DCC: variants seen among roughly 807,000 people sequenced by gnomAD.
DCC encodes the protein DCC netrin 1 receptor.
In DCC, 58 loss-of-function variants were observed where a neutral mutation model predicts 172.5. That is an observed-to-expected ratio of 0.34 (90% CI 0.27 to 0.42). The LOEUF (loss-of-function observed/expected upper bound fraction) is 0.42, where lower values mean the gene tolerates loss of function less well. Among genes scored for constraint, DCC ranks in the 10% least tolerant of loss-of-function variants. The pLI is 1.00. For missense variants in DCC, 1,740 were observed against 1,791.0 expected (o/e 0.97, Z 0.51); for synonymous variants, 709 against 644.5 (o/e 1.10, Z -1.52).
Position 52,625,903 on chromosome 18 carries a change from C to T in DCC, c.92-126151C>T, listed in dbSNP as rs951659966. 2.0e-5 allele frequency among the ~76,000 whole-genome samples: 3 copies of T among 152,088 alleles called. 1 individual carries two copies. The highest frequency in any genetic ancestry group is 6.6e-5 in the Admixed American group (1 of 15,254). On this transcript the variant is annotated intron_variant, in intron 1 of 28. Coordinates refer to ENST00000442544, the MANE Select transcript of DCC (RefSeq NM_005215.4). ...TGGGAAATCTTTCTTTGGTGCTTCCCTCCTGTCTCTCAACTCATCAGCGGC... is the reference window on the plus strand; with the variant it reads ...TGGGAAATCTTTCTTTGGTGCTTCCTTCCTGTCTCTCAACTCATCAGCGGC...
chr18:53,069,284 G>T (rs988759748), intron 7 of DCC, among the ~76,000 whole-genome samples: 19 of 152,174 alleles, frequency 1.2e-4, no homozygotes, highest in Non-Finnish European at 1.6e-4. Flanking sequence ...CTCCACACTG[G>T]CTGGAAACCA....
rs558164243 is a variant in DCC at position 53,131,631 on chromosome 18, A to T, written c.1262-25725A>T. On this transcript the variant is annotated intron_variant, in intron 7 of 28. Coordinates refer to ENST00000442544, the MANE Select transcript of DCC (RefSeq NM_005215.4). Reference sequence around the variant, plus strand: ...ACATATATAATCAAGAACCTATGACATGCCCATCACTGTGTAGGCTATAAA... The same window carrying T: ...ACATATATAATCAAGAACCTATGACTTGCCCATCACTGTGTAGGCTATAAA... Among the ~76,000 whole-genome samples, 26 of 152,228 alleles carry T rather than the reference A, an allele frequency of 1.7e-4. No homozygotes were observed. In the East Asian group the frequency reaches 5.0e-3, roughly 29 times the overall value.
At chr18:52,936,994 C>T (rs898256179) in intron 5 of DCC, among the ~76,000 whole-genome samples, 4 of 152,014 alleles carry the variant, frequency 2.6e-5, no homozygotes, top group African/African-American at 9.7e-5. Context: ...GGTATGGACT[C>T]ATTTTTATTT....
At position 53,024,636 on chromosome 18, in the gene DCC, A is replaced by G. The variant is rs561348963; in HGVS notation, c.986-38669A>G. 2.0e-5 allele frequency among the ~76,000 whole-genome samples: 3 copies of G among 152,292 alleles called. No individual in the cohort carries two copies. In the East Asian group the frequency reaches 5.8e-4, roughly 29 times the overall value. On this transcript the variant is annotated intron_variant, in intron 5 of 28. Transcript: ENST00000442544. ...GTTCCTAGTAAGGAAGCCAAGGACTATTCTCTGATGACTGCTTTCTTGTGG... is the reference window on the plus strand; with the variant it reads ...GTTCCTAGTAAGGAAGCCAAGGACTGTTCTCTGATGACTGCTTTCTTGTGG...
intron 9 of DCC, among the ~76,000 whole-genome samples, chr18:53,194,300 G>A (rs536652932): frequency 6.6e-6 from 1 of 152,200 alleles, no homozygotes; most frequent in South Asian, 2.1e-4. Context: ...GGTTTGTAGA[G>A]TATGGAGATA....
intron 2 of DCC, among the ~76,000 whole-genome samples, chr18:52,858,114 G>A (rs895329777): frequency 6.6e-6 from 1 of 152,166 alleles, no homozygotes; most frequent in East Asian, 1.9e-4. Context: ...ATCATGCATT[G>A]TCTGTTCATG....
intron 1 of DCC, among the ~76,000 whole-genome samples, chr18:52,384,850 C>T (rs1985728477): frequency 6.6e-6 from 1 of 151,960 alleles, no homozygotes; most frequent in Non-Finnish European, 1.5e-5. Flanking sequence ...TTTCACAATC[C>T]CCAAGGAAAA....
At chr18:53,128,950 G>A (rs1039634691) in intron 7 of DCC, among the ~76,000 whole-genome samples, 12 of 147,868 alleles carry the variant, frequency 8.1e-5, no homozygotes, top group Admixed American at 2.7e-4. Flanking sequence ...GCAGTGGTGC[G>A]ATCTCAGCAC....
At chr18:53,167,795 C>T (rs1418791311) in intron 8 of DCC, among the ~76,000 whole-genome samples, 1 of 152,062 alleles carries the variant, frequency 6.6e-6, no homozygotes, top group Non-Finnish European at 1.5e-5. Context: ...AAACAGAAAG[C>T]AATGAAAACA....
intron 1 of DCC, among the ~76,000 whole-genome samples, chr18:52,408,178 A>T (rs1986718816): frequency 6.6e-6 from 1 of 152,114 alleles, no homozygotes; most frequent in African/African-American, 2.4e-5. Context: ...GCCATATATG[A>T]TATTCTAAAA....
At chr18:53,511,668 G>T (rs561063794) in intron 27 of DCC, among the ~76,000 whole-genome samples, 1 of 152,352 alleles carries the variant, frequency 6.6e-6, no homozygotes, top group East Asian at 1.9e-4. Context: ...GGGTCAGGGA[G>T]TTCCCTTTCC....
chr18:52,823,607 C>T (rs2038450709), intron 2 of DCC, among the ~76,000 whole-genome samples: 1 of 152,048 alleles, frequency 6.6e-6, no homozygotes, highest in Admixed American at 6.6e-5. Context: ...TCACTCATTT[C>T]ACCAGGATTT....
At chr18:53,110,121 T>C (rs1005721285) in intron 7 of DCC, among the ~76,000 whole-genome samples, 1 of 151,698 alleles carries the variant, frequency 6.6e-6, no homozygotes, top group Non-Finnish European at 1.5e-5. Context: ...GCAGAAGAGA[T>C]GTCCACTTGC....
intron 5 of DCC, among the ~76,000 whole-genome samples, chr18:52,991,352 A>G (rs1281455063): frequency 2.6e-5 from 4 of 152,190 alleles, no homozygotes; most frequent in Non-Finnish European, 5.9e-5. Flanking sequence ...TACAGCATAA[A>G]ATCCAAGTTA....
At position 52,866,371 on chromosome 18, in the gene DCC, AG is replaced by A. The variant is rs552339623; in HGVS notation, c.413-39669del. 1.3e-3 allele frequency among the ~76,000 whole-genome samples: 205 copies of A among 152,226 alleles called. 1 individual carries two copies. Among genetic ancestry groups the A allele is most frequent in the African/African-American group, 4.7e-3 (195 of 41,552 alleles). On this transcript the variant is annotated intron_variant, in intron 2 of 28. Transcript: ENST00000442544. ...TTTTGCTTAGGATTGTCTTGGCTAA[AG>A]GGGTTCTTTTTTGGTTCCATATGAA...
chr18:53,157,533 A>C (rs1402008951), intron 8 of DCC, 21 bp downstream of exon 8: 1 of 1,612,978 alleles, frequency 6.2e-7, no homozygotes, highest in South Asian at 1.1e-5. Context: ...CTACCAATAA[A>C]ATTCAGCTTA....
chr18:52,658,270 A>G (rs1273835366), intron 1 of DCC, among the ~76,000 whole-genome samples: 1 of 152,238 alleles, frequency 6.6e-6, no homozygotes, highest in African/African-American at 2.4e-5. Context: ...GGTAGAAAAC[A>G]TGACAAATTT....
intron 2 of DCC, among the ~76,000 whole-genome samples, chr18:52,853,311 T>C: frequency 6.6e-6 from 1 of 152,268 alleles, no homozygotes; most frequent in South Asian, 2.1e-4. Context: ...AATAACCAAA[T>C]AGAAGAAGTC....
At position 53,420,191 on chromosome 18, in the gene DCC, C is replaced by T. The variant is rs545641486; in HGVS notation, c.3163+4035C>T. 8.5e-5 allele frequency among the ~76,000 whole-genome samples: 13 copies of T among 152,272 alleles called. No homozygotes were observed. The East Asian group carries it at 2.5e-3, about 29-fold the overall frequency. ...ATTTTAACCATCAACTGCATGACAA[C>T]AGATATGTTACATGTATATAGCCAC... On this transcript the variant is annotated intron_variant, in intron 21 of 28. Coordinates refer to ENST00000442544, the MANE Select transcript of DCC (RefSeq NM_005215.4).
Sources: gnomAD v4.1 joint callset for allele counts (sites outside exome capture counted in the v4.1 genomes callset) on GRCh38, gnomAD v4.1.1 for gene constraint, MANE v1.5 for transcripts, NCBI Gene and HGNC (gene_info 2026-07-23, HGNC 2026-07-21) for gene names.